ITGA11: variants seen among roughly 807,000 people sequenced by gnomAD.
ITGA11 encodes integrin alpha-11.
Under a neutral mutation model 141.9 loss-of-function variants are expected in ITGA11, and 97 were observed. The ratio of observed to expected loss-of-function variants is 0.68; its 90% CI spans 0.58 to 0.81. The LOEUF (loss-of-function observed/expected upper bound fraction) is 0.81, where lower values mean the gene tolerates loss of function less well. ITGA11 is among the 30% of genes least tolerant of loss of function. The pLI is 0.00. For missense variants in ITGA11, 1,387 were observed against 1,559.2 expected (o/e 0.89, Z 1.86); for synonymous variants, 658 against 624.6 (o/e 1.05, Z -0.80).
Position 68,320,201 on chromosome 15 carries a change from G to T in ITGA11, c.2600C>A (p.Ala867Asp), listed in dbSNP as rs1398372242. 6.2e-7 allele frequency: 1 copy of T among 1,613,874 alleles called. No homozygotes were observed. The highest frequency in any genetic ancestry group is 8.5e-7 in the Non-Finnish European group (1 of 1,179,884). ...NISQSANLQFASLIQKEDSDG... is the reference protein window; with the variant it reads ...NISQSANLQFDSLIQKEDSDG... ...AGGTCTTACCTTCTGGATCAAGCTG[G>T]CAAACTGCAGGTTTGCTGACTGCGA... The change falls in exon 20 of 30, where the codon GCC becomes GAC. Residue 867 changes from alanine (A) to aspartate (D), a missense_variant. Transcript: ENST00000315757.
chr15:68,388,295 G>C (rs1480325889), intron 2 of ITGA11, among the ~76,000 whole-genome samples: 2 of 151,954 alleles, frequency 1.3e-5, no homozygotes, highest in Non-Finnish European at 2.9e-5. Context: ...CTTGCCATTT[G>C]CACTTGTCAT....
intron 4 of ITGA11, among the ~76,000 whole-genome samples, chr15:68,362,922 G>GATGGATGATGGATGA (rs56826711): frequency 6.7e-6 from 1 of 149,878 alleles, no homozygotes. Flanking sequence ...TGAATGGGTG[G>GATGGATGATGGATGA]ATGGATGATG....
intron 4 of ITGA11, among the ~76,000 whole-genome samples, chr15:68,364,067 G>T (rs1251021701): frequency 6.6e-6 from 1 of 152,196 alleles, no homozygotes; most frequent in Non-Finnish European, 1.5e-5. Context: ...AAACATCATT[G>T]TTTAAATGAA....
intron 10 of ITGA11, among the ~76,000 whole-genome samples, chr15:68,342,798 G>C (rs1595868305): frequency 6.6e-6 from 1 of 152,154 alleles, no homozygotes; most frequent in African/African-American, 2.4e-5. Flanking sequence ...CTAGTGAGTC[G>C]AGGCCAGAGA....
intron 2 of ITGA11, among the ~76,000 whole-genome samples, chr15:68,381,947 C>T (rs762410314): frequency 1.3e-5 from 2 of 152,212 alleles, no homozygotes; most frequent in Admixed American, 1.3e-4. Flanking sequence ...CACTCTCCTA[C>T]CCAGGCCTCG....
At chr15:68,353,219 T>C (rs917207373) in intron 7 of ITGA11, among the ~76,000 whole-genome samples, 5 of 152,212 alleles carry the variant, frequency 3.3e-5, no homozygotes, top group Admixed American at 1.3e-4. Context: ...GTTTAGAACA[T>C]CTTCAAACTA....
intron 1 of ITGA11, among the ~76,000 whole-genome samples, chr15:68,410,067 G>A (rs1896738511): frequency 1.3e-5 from 2 of 152,010 alleles, no homozygotes; most frequent in East Asian, 1.9e-4. Context: ...AGAACTGACT[G>A]TTGACTCCTT....
chr15:68,325,761 C>T lies in ITGA11; in HGVS notation c.2212-520G>A, dbSNP rs143537823. ...AACAAACTCGTGAGCAAGACAGGGG[C>T]GCTCAGGTTGGTTCTGAGCATAGAT... On this transcript the variant is annotated intron_variant, in intron 17 of 29. Transcript: ENST00000315757. The surrounding 1 kb of genome is among the most constrained non-coding windows in gnomAD (Gnocchi z 5.5). Among the ~76,000 whole-genome samples the T allele has an allele frequency of 2.4e-4, 36 of 152,314 alleles. No individual in the cohort carries two copies. The highest frequency in any genetic ancestry group is 1.9e-4 in the East Asian group (1 of 5,180).
intron 4 of ITGA11, among the ~76,000 whole-genome samples, chr15:68,362,871 GTGGATGAATGATAA>G (rs1895292498): frequency 6.6e-6 from 1 of 151,982 alleles, no homozygotes; most frequent in Non-Finnish European, 1.5e-5. Context: ...GTATGAATGG[GTGGATGAATGATAA>G]TGGATGGATG....
In ITGA11 at chr15:68,303,707, A is replaced by C; in HGVS notation, c.3495+65T>G. 1.7e-6 allele frequency: 2 copies of C among 1,165,012 alleles called. No individual in the cohort carries two copies. The highest frequency in any genetic ancestry group is 1.3e-6 in the Non-Finnish European group (1 of 797,444). 72.2% of individuals were successfully genotyped at this position (1,165,012 alleles called of 1,614,324 possible). A position where few individuals can be genotyped will look rare whatever the true frequency, so the allele number is the denominator to read the frequency against. The stretch of plus-strand genomic sequence containing the variant: ...AACGTGGCAGCGGCCACGAAGTTCC[A>C]GGGGCTGGAGCCTGGGCCCACCAGC... On this transcript the variant is annotated intron_variant, in intron 29 of 29. Transcript: ENST00000315757. The surrounding 1 kb of genome is among the most constrained non-coding windows in gnomAD (Gnocchi z 5.3).
intron 1 of ITGA11, among the ~76,000 whole-genome samples, chr15:68,429,876 A>G (rs1465309815): frequency 1.3e-5 from 2 of 152,206 alleles, no homozygotes; most frequent in Admixed American, 1.3e-4. Context: ...TTCAAATGAT[A>G]TCTCCTCCTC....
chr15:68,423,447 A>C (rs1897066599), intron 1 of ITGA11, among the ~76,000 whole-genome samples: 1 of 152,170 alleles, frequency 6.6e-6, no homozygotes, highest in African/African-American at 2.4e-5. Context: ...GGGACAGCTC[A>C]GTGTGTTTAA....
chr15:68,313,721 C>G (rs1460656893), intron 23 of ITGA11, 58 bp downstream of exon 23: 1 of 1,372,550 alleles, frequency 7.3e-7, no homozygotes. Context: ...CCCCTTAGGC[C>G]TCCCTCCTCC....
intron 3 of ITGA11, 142 bp downstream of exon 3, chr15:68,369,040 AGT>A (rs1424880643): frequency 3.1e-6 from 2 of 638,190 alleles, no homozygotes; most frequent in East Asian, 2.8e-5. Context: ...TCATGTGTAA[AGT>A]GGGGGCAGTG....
At position 68,351,278 on chromosome 15, in the gene ITGA11, C is replaced by T. The variant is rs768867198; in HGVS notation, c.874G>A (p.Val292Ile). ...CTTACGGCCACCGCATATCTTGTTACGTTGTCTCTTTCGCTTTGCTGGATC... is the reference window on the plus strand; with the variant it reads ...CTTACGGCCACCGCATATCTTGTTATGTTGTCTCTTTCGCTTTGCTGGATC... Reference protein sequence around the residue: ...KVIQQSERDNVTRYAVAVLGY... With the variant: ...KVIQQSERDNITRYAVAVLGY... The change falls in exon 8 of 30, where the codon GTA (valine) becomes ATA (isoleucine). Residue 292 changes from valine to isoleucine, a missense_variant. By Grantham distance (29) the Val-to-Ile change is conservative (BLOSUM62 3). Transcript: ENST00000315757. 1.3e-5 allele frequency: 21 copies of T among 1,613,914 alleles called. No homozygotes were observed. The highest frequency in any genetic ancestry group is 1.6e-4 in the Middle Eastern group (1 of 6,080).
intron 2 of ITGA11, 102 bp from the exon 3 acceptor site, chr15:68,369,386 G>GGGGA: frequency 3.5e-6 from 2 of 564,114 alleles, no homozygotes; most frequent in South Asian, 1.9e-5. Flanking sequence ...TGGGTGGGGA[G>GGGGA]GGTGGGAGGG....
At chr15:68,397,533 A>AAAATAT (rs1555453183) in intron 2 of ITGA11, among the ~76,000 whole-genome samples, 4 of 55,172 alleles carry the variant, frequency 7.3e-5, no homozygotes, top group Non-Finnish European at 1.1e-4. Context: ...ATTATAAAAT[A>AAAATAT]TTTAAAATAT....
chr15:68,387,213 T>A (rs1896007333), intron 2 of ITGA11, among the ~76,000 whole-genome samples: 1 of 152,024 alleles, frequency 6.6e-6, no homozygotes, highest in African/African-American at 2.4e-5. Context: ...GCAGATCGCC[T>A]CAAAAATAGC....
rs1893753464 is a variant in ITGA11, at chr15:68,320,260, CCT to C, written c.2539_2540del (p.Arg847GlyfsTer31). On this transcript the variant is annotated frameshift_variant, in exon 20 of 30. Transcript: ENST00000315757. LOFTEE classifies it high-confidence loss of function. ...GGACCGTGCTGTAGGCGTTCTCGCC[CCT>C]GTTCTCCAGTGTGGCCTCCACCGCC... is the stretch of plus-strand genomic sequence containing the variant. The part of the protein sequence containing the change: ...RVAVEATLEN[R>X]GENAYSTVLN... 6.2e-7 allele frequency: 1 copy of C among 1,614,040 alleles called. No individual in the cohort carries two copies. The highest frequency in any genetic ancestry group is 8.5e-7 in the Non-Finnish European group (1 of 1,179,904).
Sources: gnomAD v4.1 joint callset for allele counts (sites outside exome capture counted in the v4.1 genomes callset) on GRCh38, gnomAD v4.1.1 for gene constraint, Gnocchi (gnomAD v3.1) non-coding constraint, MANE v1.5 for transcripts, NCBI Gene and HGNC (gene_info 2026-07-23, HGNC 2026-07-21) for gene names.